The following HAUS5 variants were observed in gnomAD, a reference collection of about 807,000 sequenced individuals.
HAUS5 encodes HAUS augmin-like complex subunit 5.
Under a neutral mutation model 94.1 loss-of-function variants are expected in HAUS5, and 67 were observed. That is an observed-to-expected ratio of 0.71 (90% CI 0.58 to 0.87). HAUS5 has a LOEUF of 0.87. Among genes scored for constraint, HAUS5 ranks in the 40% least tolerant of loss-of-function variants. HAUS5 has a pLI of 0.00. For missense variants in HAUS5, 739 were observed against 825.6 expected, an observed-to-expected ratio of 0.90 and a Z score of 1.29; for synonymous variants, 339 against 355.4, an observed-to-expected ratio of 0.95 and a Z score of 0.52.
intron 14 of HAUS5, 40 bp from the exon 15 acceptor site, chr19:35,619,573 G>A (rs2146339440): frequency 6.3e-7 from 1 of 1,591,518 alleles, no homozygotes; most frequent in Middle Eastern, 1.7e-4. Context: ...GTGGACTTGT[G>A]ATGTTGTGAT....
In HAUS5 at chr19:35,622,863, T is replaced by G. The variant is rs2077001931; in HGVS notation, c.1785-13T>G. The G allele has an allele frequency of 6.2e-7, 1 of 1,610,936 alleles. No homozygotes were observed. The highest frequency in any genetic ancestry group is 1.3e-5 in the African/African-American group (1 of 74,834). On this transcript the variant is annotated splice_polypyrimidine_tract_variant and intron_variant, in intron 18 of 18. Coordinates refer to ENST00000203166, the MANE Select transcript of HAUS5 (RefSeq NM_015302.2). ...GTCAGTCCTTTCCTCGTTGACGCCATGCCATTCCCCAGGTGGGAGCAGCCA... is the reference window on the plus strand; with the variant it reads ...GTCAGTCCTTTCCTCGTTGACGCCAGGCCATTCCCCAGGTGGGAGCAGCCA...
chr19:35,613,966 A>G, intron 3 of HAUS5, 66 bp downstream of exon 3: 1 of 1,607,648 alleles, frequency 6.2e-7, no homozygotes, highest in South Asian at 1.1e-5. Context: ...TCCCCACCAC[A>G]GCATCACACC....
rs1274433837 is a variant in HAUS5 at position 35,624,104 on chromosome 19, T to TTG, written c.*1112_*1113insGT. On this transcript the variant is annotated 3_prime_UTR_variant, in exon 19 of 19. Coordinates refer to ENST00000203166, the MANE Select transcript of HAUS5 (RefSeq NM_015302.2). ...CATATCTGTTCTTGTTTTCTTTTGTTTTTTTTTTTTTTTTTTTTGAGATGC... is the reference window on the plus strand; with the variant it reads ...CATATCTGTTCTTGTTTTCTTTTGTTTGTTTTTTTTTTTTTTTTTTGAGATGC... 1.5e-5 allele frequency: 2 copies of TTG among 137,052 alleles called. No homozygotes were observed. The highest frequency in any genetic ancestry group is 2.7e-5 in the African/African-American group (1 of 36,800). 8.5% of individuals were successfully genotyped at this position (137,052 alleles called of 1,614,324 possible).
intron 4 of HAUS5, among the ~76,000 whole-genome samples, chr19:35,614,459 C>G (rs2146334360): frequency 6.6e-6 from 1 of 152,302 alleles, no homozygotes; most frequent in South Asian, 2.1e-4. Context: ...TGGCACACGC[C>G]TGTAATCCTA....
rs1967254555 is a variant in HAUS5, at chr19:35,623,566, T to A, written c.*573T>A. The A allele has an allele frequency of 6.5e-6, 1 of 154,002 alleles. No individual in the cohort carries two copies. The highest frequency in any genetic ancestry group is 2.4e-5 in the African/African-American group (1 of 41,440). 9.5% of individuals were successfully genotyped at this position (154,002 alleles called of 1,614,324 possible). A position where few individuals can be genotyped will look rare whatever the true frequency, so the allele number is the denominator to read the frequency against. On this transcript the variant is annotated 3_prime_UTR_variant, in exon 19 of 19. Coordinates refer to ENST00000203166, the MANE Select transcript of HAUS5 (RefSeq NM_015302.2). ...ATAAGGGCCACTGAGGGGGACAGTG[T>A]AGGTTGGGGGTGAGGAATGTATTAA...
rs1599602363 is a variant in HAUS5 at position 35,625,191 on chromosome 19, A to G, written c.*2198A>G. On this transcript the variant is annotated 3_prime_UTR_variant, in exon 19 of 19. Coordinates refer to ENST00000203166, the MANE Select transcript of HAUS5 (RefSeq NM_015302.2). Reference sequence around the variant, plus strand: ...TGAGATTCTACCTTATATTTTTTGAATTATATACTAAAGCAAATAAGTAGT... The same window carrying G: ...TGAGATTCTACCTTATATTTTTTGAGTTATATACTAAAGCAAATAAGTAGT... The G allele has an allele frequency of 6.6e-6, 1 of 152,196 alleles. No homozygotes were observed. The highest frequency in any genetic ancestry group is 2.4e-5 in the African/African-American group (1 of 41,444). 9.4% of individuals were successfully genotyped at this position (152,196 alleles called of 1,614,324 possible). A position where few individuals can be genotyped will look rare whatever the true frequency, so the allele number is the denominator to read the frequency against.
In HAUS5 at chr19:35,624,366, A is replaced by G; in HGVS notation, c.*1373A>G. On this transcript the variant is annotated 3_prime_UTR_variant, in exon 19 of 19. Coordinates refer to ENST00000203166, the MANE Select transcript of HAUS5 (RefSeq NM_015302.2). ...GTGATCTGCCTGCCTCGGCCTCCCAAAGTGCTGGGATTACAGGCATGAGCC... is the reference window on the plus strand; with the variant it reads ...GTGATCTGCCTGCCTCGGCCTCCCAGAGTGCTGGGATTACAGGCATGAGCC... 1 of 152,154 alleles carries G rather than the reference A, an allele frequency of 6.6e-6. No individual in the cohort carries two copies. Among genetic ancestry groups the G allele is most frequent in the Non-Finnish European group, 1.5e-5 (1 of 68,042 alleles). 9.4% of individuals were successfully genotyped at this position (152,154 alleles called of 1,614,324 possible). A position where few individuals can be genotyped will look rare whatever the true frequency, so the allele number is the denominator to read the frequency against.
chr19:35,613,001 A>G, intron 1 of HAUS5, 109 bp downstream of exon 1: 1 of 805,338 alleles, frequency 1.2e-6, no homozygotes, highest in Non-Finnish European at 1.8e-6. Context: ...CCCCATCGAG[A>G]GTGACCCGAC....
rs755496760 is a variant in HAUS5, at chr19:35,620,200, G to C, written c.1524G>C (p.Ser508=). ...GTCCTTCCCTCCTCCTCCAGGCCTC[G>C]GAGCTGCTCCTGCCGGCGGCTGCCT... is the stretch of plus-strand genomic sequence containing the variant. ...HKLGLPPGKA[S]ELLLPAAASL... Residue 508 remains serine (S), a synonymous_variant, in exon 17 of 19, where the codon TCG becomes TCC. Coordinates refer to ENST00000203166, the MANE Select transcript of HAUS5 (RefSeq NM_015302.2). 2 of 1,613,524 alleles carry C rather than the reference G, an allele frequency of 1.2e-6. No homozygotes were observed. The highest frequency in any genetic ancestry group is 1.7e-6 in the Non-Finnish European group (2 of 1,179,722).
At chr19:35,621,093 G>A (rs766168086) in intron 17 of HAUS5, among the ~76,000 whole-genome samples, 1 of 152,220 alleles carries the variant, frequency 6.6e-6, no homozygotes, top group Non-Finnish European at 1.5e-5. Flanking sequence ...CCAGATGGAA[G>A]TAAAGAGTAA....
At position 35,620,676 on chromosome 19, in the gene HAUS5, G is replaced by C. The variant is rs139181132; in HGVS notation, c.1651+349G>C. 5.9e-3 allele frequency among the ~76,000 whole-genome samples: 895 copies of C among 152,310 alleles called. 9 individuals are homozygous for C. The highest frequency in any genetic ancestry group is 0.021 in the African/African-American group (852 of 41,552). The stretch of plus-strand genomic sequence containing the variant: ...CATCACCGTCACATAGTATACCTCA[G>C]CAGTTCAAAGCCTGGGAATCCTCTC... On this transcript the variant is annotated intron_variant, in intron 17 of 18. Coordinates refer to ENST00000203166, the MANE Select transcript of HAUS5 (RefSeq NM_015302.2).
In HAUS5 at chr19:35,618,443, C is replaced by T. The variant is rs772185484; in HGVS notation, c.863C>T (p.Pro288Leu). The part of the protein sequence containing the change: ...PDQSDSSQTL[P>L]SMVHLIQEGW... ...CAGTCAGACTCCAGCCAGACCCTGC[C>T]GTCCATGGTTCATCTCATCCAGGTG... Residue 288 changes from proline (P) to leucine (L), a missense_variant, in exon 11 of 19, where the codon CCG becomes CTG. Coordinates refer to ENST00000203166, the MANE Select transcript of HAUS5 (RefSeq NM_015302.2). The T allele has an allele frequency of 5.6e-6, 9 of 1,613,904 alleles. No homozygotes were observed. Among genetic ancestry groups the T allele is most frequent in the East Asian group, 2.2e-5 (1 of 44,882 alleles).
intron 6 of HAUS5, among the ~76,000 whole-genome samples, chr19:35,615,733 A>G (rs1026853447): frequency 6.6e-6 from 1 of 152,182 alleles, no homozygotes; most frequent in Non-Finnish European, 1.5e-5. Context: ...AGAAAAGCCT[A>G]TCATAGAAGG....
In HAUS5 at chr19:35,619,502, G is replaced by A. The variant is rs1967168019; in HGVS notation, c.1258G>A (p.Glu420Lys). 5.6e-6 allele frequency: 9 copies of A among 1,609,984 alleles called. No individual in the cohort carries two copies. Among genetic ancestry groups the A allele is most frequent in the South Asian group, 1.1e-5 (1 of 90,344 alleles). ...GACCCGCCTGTGCCGGAGCCCGGGGGAGGTGAGATGGGAGTTGGGGTGAGG... is the reference window on the plus strand; with the variant it reads ...GACCCGCCTGTGCCGGAGCCCGGGGAAGGTGAGATGGGAGTTGGGGTGAGG... ...SKTRLCRSPG[E>K]VLALVQRKVV... Residue 420 changes from glutamate to lysine, a missense_variant and splice_region_variant, in exon 14 of 19, where the codon GAG becomes AAG. Coordinates refer to ENST00000203166, the MANE Select transcript of HAUS5 (RefSeq NM_015302.2).
In HAUS5 at chr19:35,619,608, C is replaced by T; in HGVS notation, c.1261-5C>T. ...TGCCCCACCCACCCCTCCCCTTCCC[C>T]ACAGGTGCTAGCTCTGGTCCAGCGA... is the stretch of plus-strand genomic sequence containing the variant. On this transcript the variant is annotated splice_polypyrimidine_tract_variant and splice_region_variant and intron_variant, in intron 14 of 18. Transcript: ENST00000203166. 1 of 1,587,192 alleles carries T rather than the reference C, an allele frequency of 6.3e-7. No individual in the cohort carries two copies. Among genetic ancestry groups the T allele is most frequent in the Non-Finnish European group, 8.6e-7 (1 of 1,166,156 alleles).
At position 35,618,482 on chromosome 19, in the gene HAUS5, C is replaced by T. The variant is rs775724212; in HGVS notation, c.885+17C>T. 1.2e-6 allele frequency: 2 copies of T among 1,614,110 alleles called. No homozygotes were observed. The highest frequency in any genetic ancestry group is 2.2e-5 in the South Asian group (2 of 91,074). Reference sequence around the variant, plus strand: ...CTCATCCAGGTGACCCCAGGGCTCGCCTCCCCACCACATTCCAAGACTTCC... The same window carrying T: ...CTCATCCAGGTGACCCCAGGGCTCGTCTCCCCACCACATTCCAAGACTTCC... On this transcript the variant is annotated intron_variant, in intron 11 of 18. Transcript: ENST00000203166.
intron 4 of HAUS5, 81 bp downstream of exon 4, chr19:35,614,140 G>A: frequency 8.1e-7 from 1 of 1,233,150 alleles, no homozygotes; most frequent in Non-Finnish European, 1.2e-6. Flanking sequence ...ACCAGGTGCT[G>A]GGTGATGCTG....
chr19:35,623,193 A>C lies in HAUS5; in HGVS notation c.*200A>C. 3.5e-6 allele frequency: 2 copies of C among 568,968 alleles called. No homozygotes were observed. The highest frequency in any genetic ancestry group is 6.2e-6 in the Non-Finnish European group (2 of 320,344). 35.2% of individuals were successfully genotyped at this position (568,968 alleles called of 1,614,324 possible). On this transcript the variant is annotated 3_prime_UTR_variant, in exon 19 of 19. Transcript: ENST00000203166. Reference sequence around the variant, plus strand: ...TTCATCCCGCTAAAGCACCCCCTAAAACCCCTTCATCACTTTCATTCTCAG... The same window carrying C: ...TTCATCCCGCTAAAGCACCCCCTAACACCCCTTCATCACTTTCATTCTCAG...
At chr19:35,621,871 C>G (rs147805926) in intron 17 of HAUS5, among the ~76,000 whole-genome samples, 47 of 152,306 alleles carry the variant, frequency 3.1e-4, no homozygotes, top group African/African-American at 1.1e-3. Flanking sequence ...GGTCAGGATT[C>G]AGGCCCAGCT....
Sources: allele counts gnomAD v4.1 joint callset (sites outside exome capture counted in the v4.1 genomes callset), GRCh38; gene constraint gnomAD v4.1.1; transcripts MANE v1.5; gene names NCBI Gene and HGNC (gene_info 2026-07-23, HGNC 2026-07-21).